ARHGEF18: variants seen among roughly 807,000 people sequenced by gnomAD.
ARHGEF18 encodes the protein Rho/Rac guanine nucleotide exchange factor 18, also known as rho guanine nucleotide exchange factor 18.
Under a neutral mutation model 155.7 loss-of-function variants are expected in ARHGEF18, and 93 were observed. That is an observed-to-expected ratio of 0.60 (90% CI 0.50 to 0.71). The LOEUF is 0.71. Ranked by LOEUF, ARHGEF18 falls within the 30% of genes least tolerant of loss-of-function variation. The pLI is 0.00. For missense variants in ARHGEF18, 1,593 were observed against 1,816.1 expected, an observed-to-expected ratio of 0.88 and a Z score of 2.23; for synonymous variants, 742 against 753.1, an observed-to-expected ratio of 0.99 and a Z score of 0.24.
downstream of ARHGEF18, among the ~76,000 whole-genome samples, chr19:7,474,410 T>A (rs1180750370): frequency 6.6e-6 from 1 of 152,144 alleles, no homozygotes; most frequent in Non-Finnish European, 1.5e-5. Context: ...GGAGTCTTGC[T>A]CTGTCACCCA....
At chr19:7,391,164 T>G (rs1971381636) in intron 10 of ARHGEF18, among the ~76,000 whole-genome samples, 1 of 152,130 alleles carries the variant, frequency 6.6e-6, no homozygotes, top group Admixed American at 6.6e-5. Flanking sequence ...CATGTCTCAT[T>G]CCCAGCAGGC....
chr19:7,405,101 G>T (rs937182486), intron 10 of ARHGEF18, among the ~76,000 whole-genome samples: 2 of 152,022 alleles, frequency 1.3e-5, no homozygotes, highest in Non-Finnish European at 2.9e-5. Context: ...GGGATTATAG[G>T]TGCCCGCCAC....
chr19:7,360,300 A>G (rs1264359048), intron 1 of ARHGEF18, among the ~76,000 whole-genome samples: 2 of 151,652 alleles, frequency 1.3e-5, no homozygotes, highest in Non-Finnish European at 2.9e-5. Flanking sequence ...CAATGGCACA[A>G]TCTCAGTTCA....
At chr19:7,431,761 C>A (rs897349620) in intron 10 of ARHGEF18, among the ~76,000 whole-genome samples, 13 of 152,194 alleles carry the variant, frequency 8.5e-5, no homozygotes, top group Admixed American at 5.2e-4. Context: ...TTGCGGTGAG[C>A]CGAGATTGCG....
chr19:7,475,063 G>T (rs544161750), downstream of ARHGEF18, among the ~76,000 whole-genome samples: 338 of 152,242 alleles, frequency 2.2e-3, 2 homozygotes, highest in Non-Finnish European at 4.2e-3. Context: ...GTGAAACCCC[G>T]TTTCTACTAA....
chr19:7,423,332 G>A (rs1029743273), intron 10 of ARHGEF18, among the ~76,000 whole-genome samples: 5 of 152,106 alleles, frequency 3.3e-5, no homozygotes, highest in Non-Finnish European at 7.4e-5. Flanking sequence ...CCCTTGAATT[G>A]TCCCAACAGT....
chr19:7,364,263 G>A lies in ARHGEF18; in HGVS notation c.15+1358G>A, dbSNP rs1969776656. On this transcript the variant is annotated intron_variant, in intron 2 of 28. Coordinates refer to ENST00000668164, the MANE Select transcript of ARHGEF18 (RefSeq NM_001367823.1). ...TGGATGGGTTGATGGAAGGAAGGAG[G>A]ATGGATAAATGAAAGGATGAAGGAA... 2.6e-5 allele frequency among the ~76,000 whole-genome samples: 4 copies of A among 151,418 alleles called. 1 individual carries two copies. The South Asian group carries it at 8.4e-4, about 32-fold the overall frequency.
chr19:7,463,667 G>A lies in ARHGEF18; in HGVS notation c.2636-151G>A. 1 of 985,228 alleles carries A rather than the reference G, an allele frequency of 1.0e-6. No individual in the cohort carries two copies. The highest frequency in any genetic ancestry group is 1.5e-6 in the Non-Finnish European group (1 of 678,982). 61.0% of individuals were successfully genotyped at this position (985,228 alleles called of 1,614,324 possible). A position where few individuals can be genotyped will look rare whatever the true frequency, so the allele number is the denominator to read the frequency against. Reference sequence around the variant, plus strand: ...GTAAGGGTGTGCGCAGGGACAGTGGGGCTGAAATCCCACGGCACACAGAAG... The same window carrying A: ...GTAAGGGTGTGCGCAGGGACAGTGGAGCTGAAATCCCACGGCACACAGAAG... On this transcript the variant is annotated intron_variant, in intron 21 of 28. Transcript: ENST00000668164. The surrounding 1 kb of genome is among the most constrained non-coding windows in gnomAD (Gnocchi z 5.2).
rs963805362 is a variant in ARHGEF18, at chr19:7,463,747, C to T, written c.2636-71C>T. 2.7e-6 allele frequency: 4 copies of T among 1,488,098 alleles called. No individual in the cohort carries two copies. The African/African-American group carries it at 5.6e-5, about 21-fold the overall frequency. 92.2% of individuals were successfully genotyped at this position (1,488,098 alleles called of 1,614,324 possible). A position where few individuals can be genotyped will look rare whatever the true frequency, so the allele number is the denominator to read the frequency against. On this transcript the variant is annotated intron_variant, in intron 21 of 28. Transcript: ENST00000668164. The surrounding 1 kb of genome is among the most constrained non-coding windows in gnomAD (Gnocchi z 5.2). ...CCTCCGTCCACCCGGGTCTCGCTGCCCCAGCGCTCCGTATTCCCCCAGCAC... is the reference window on the plus strand; with the variant it reads ...CCTCCGTCCACCCGGGTCTCGCTGCTCCAGCGCTCCGTATTCCCCCAGCAC...
chr19:7,390,530 A>C (rs143295057), intron 10 of ARHGEF18: 1 of 86,552 alleles, frequency 1.2e-5, no homozygotes, highest in South Asian at 3.1e-4. Context: ...AAAAAGAAAA[A>C]AGAAAAGAAA....
chr19:7,441,563 G>C, intron 11 of ARHGEF18, 90 bp from the exon 12 acceptor site: 1 of 923,398 alleles, frequency 1.1e-6, no homozygotes, highest in Non-Finnish European at 1.8e-6. Context: ...GTATCGAATC[G>C]GATGGAGTCA....
intron 10 of ARHGEF18, among the ~76,000 whole-genome samples, chr19:7,429,752 A>T (rs1057217543): frequency 6.6e-6 from 1 of 152,142 alleles, no homozygotes; most frequent in African/African-American, 2.4e-5. Flanking sequence ...CACCCATAAG[A>T]GGAGGCTCTA....
In ARHGEF18 at chr19:7,385,870, T is replaced by TCTCTCTCTCTCTCTCTCTCTCTCTCTCC. The variant is rs1555704468; in HGVS notation, c.967+2668_967+2669insTCTCTCTCTCTCTCTCTCTCTCTCTCCC. On this transcript the variant is annotated intron_variant, in intron 10 of 28. Coordinates refer to ENST00000668164, the MANE Select transcript of ARHGEF18 (RefSeq NM_001367823.1). The stretch of plus-strand genomic sequence containing the variant: ...CTCTCTCTCTCTCTCTCTCTCTCTC[T>TCTCTCTCTCTCTCTCTCTCTCTCTCTCC]CCCCCCTCCCTCTCTCCCTCCCTCC... Among the ~76,000 whole-genome samples the TCTCTCTCTCTCTCTCTCTCTCTCTCTCC allele has an allele frequency of 2.0e-4, 6 of 29,566 alleles. 1 individual carries two copies. Among genetic ancestry groups the TCTCTCTCTCTCTCTCTCTCTCTCTCTCC allele is most frequent in the African/African-American group, 1.1e-3 (6 of 5,294 alleles). The allele number at this position is 29,566 out of a possible 152,430, so 19.4% of individuals were successfully genotyped here.
chr19:7,467,455 C>T lies in ARHGEF18; in HGVS notation c.3251C>T (p.Ala1084Val), dbSNP rs1256839492. 1 of 1,508,842 alleles carries T rather than the reference C, an allele frequency of 6.6e-7. No individual in the cohort carries two copies. Among genetic ancestry groups the T allele is most frequent in the Middle Eastern group, 2.3e-4 (1 of 4,300 alleles). 93.5% of individuals were successfully genotyped at this position (1,508,842 alleles called of 1,614,324 possible). A position where few individuals can be genotyped will look rare whatever the true frequency, so the allele number is the denominator to read the frequency against. ...RQWQHQELERAGARLQEREGE... is the reference protein window; with the variant it reads ...RQWQHQELERVGARLQEREGE... ...TGGCAGCACCAGGAGCTGGAGCGTG[C>T]GGGCGCGCGGCTGCAGGAGCGCGAG... Residue 1084 changes from alanine to valine, a missense_variant, in exon 26 of 29, where the codon GCG (alanine) becomes GTG (valine). Ala to Val is a moderately conservative substitution (Grantham distance 64, BLOSUM62 0). Transcript: ENST00000668164.
rs1977018919 is a variant in ARHGEF18, at chr19:7,471,519, G to A, written c.*1221G>A. The A allele has an allele frequency of 6.6e-6, 1 of 152,266 alleles. No individual in the cohort carries two copies. 9.4% of individuals were successfully genotyped at this position (152,266 alleles called of 1,614,324 possible). A position where few individuals can be genotyped will look rare whatever the true frequency, so the allele number is the denominator to read the frequency against. Reference sequence around the variant, plus strand: ...TCCTGGCTGATCGTCCTTGTTCCCAGTGGGGTACATGTGAGCCCCTGCCAG... The same window carrying A: ...TCCTGGCTGATCGTCCTTGTTCCCAATGGGGTACATGTGAGCCCCTGCCAG... On this transcript the variant is annotated 3_prime_UTR_variant, in exon 29 of 29. Transcript: ENST00000668164. This position sits in a 1 kb window ranked among gnomAD's most constrained non-coding sequence, Gnocchi z 4.4.
At chr19:7,469,757 A>C (rs77547842) in intron 27 of ARHGEF18, 147 bp from the exon 28 acceptor site, 215 of 919,010 alleles carry the variant, frequency 2.3e-4, no homozygotes, top group Non-Finnish European at 3.1e-4. Context: ...GGGGCTTAGC[A>C]TCTGAGCAGC....
chr19:7,479,895 G>A, the ARHGEF18 span, among the ~76,000 whole-genome samples: 1 of 152,150 alleles, frequency 6.6e-6, no homozygotes, highest in Non-Finnish European at 1.5e-5. Flanking sequence ...AGTCGGGGAG[G>A]CTGTGTGTGG....
At chr19:7,362,241 A>AGAAGAG (rs571660338) in intron 1 of ARHGEF18, among the ~76,000 whole-genome samples, 1 of 150,842 alleles carries the variant, frequency 6.6e-6, no homozygotes, top group Non-Finnish European at 1.5e-5. Flanking sequence ...GAAGAAGACA[A>AGAAGAG]GAAGAGGAAG....
chr19:7,412,571 G>A (rs544199524), intron 10 of ARHGEF18, among the ~76,000 whole-genome samples: 1 of 151,780 alleles, frequency 6.6e-6, no homozygotes, highest in South Asian at 2.1e-4. Flanking sequence ...GCAAAACCCC[G>A]TCTTTACTAA....
Sources: allele counts gnomAD v4.1 joint callset (sites outside exome capture counted in the v4.1 genomes callset), GRCh38; gene constraint gnomAD v4.1.1; non-coding constraint Gnocchi (gnomAD v3.1); transcripts MANE v1.5; gene names NCBI Gene and HGNC (gene_info 2026-07-23, HGNC 2026-07-21).